F13A1: variants seen among roughly 807,000 people sequenced by gnomAD.
F13A1 encodes coagulation factor XIII A chain, also known as FSF, A subunit.
In F13A1, 47 loss-of-function variants were observed where a neutral mutation model predicts 80.1. The ratio of observed to expected loss-of-function variants is 0.59; its 90% CI spans 0.46 to 0.75. The LOEUF is 0.75. F13A1 is among the 30% of genes least tolerant of loss of function. The pLI is 0.00. For synonymous variants in F13A1, 349 were observed against 344.9 expected, an observed-to-expected ratio of 1.01 and a Z score of -0.13; for missense variants, 817 against 930.4, an observed-to-expected ratio of 0.88 and a Z score of 1.59.
chr6:6,319,281 G>A (rs1446955113), intron 1 of F13A1, among the ~76,000 whole-genome samples: 1 of 152,230 alleles, frequency 6.6e-6, no homozygotes, highest in Non-Finnish European at 1.5e-5. Flanking sequence ...GATAGGGTTA[G>A]GGTGGAGCCC....
chr6:6,277,592 C>T (rs1758005765), intron 3 of F13A1, among the ~76,000 whole-genome samples: 1 of 152,236 alleles, frequency 6.6e-6, no homozygotes, highest in African/African-American at 2.4e-5. Context: ...AACTAACTCA[C>T]ATTCCACCAG....
At chr6:6,256,508 A>G (rs1757705574) in intron 4 of F13A1, among the ~76,000 whole-genome samples, 1 of 152,162 alleles carries the variant, frequency 6.6e-6, no homozygotes, top group Non-Finnish European at 1.5e-5. Context: ...TGCCTCGTAA[A>G]TAACCACCCT....
At chr6:6,203,504 G>T (rs1761435259) in intron 8 of F13A1, among the ~76,000 whole-genome samples, 1 of 152,220 alleles carries the variant, frequency 6.6e-6, no homozygotes, top group African/African-American at 2.4e-5. Context: ...ACATTCTCCT[G>T]CTGGCTTCAA....
intron 6 of F13A1, among the ~76,000 whole-genome samples, chr6:6,231,830 C>T (rs1757356747): frequency 1.3e-5 from 2 of 151,944 alleles, no homozygotes; most frequent in Admixed American, 1.3e-4. Flanking sequence ...CGAAACTAAG[C>T]ATCATATATG....
intron 4 of F13A1, among the ~76,000 whole-genome samples, chr6:6,257,891 T>C (rs1243905284): frequency 6.6e-6 from 1 of 152,184 alleles, no homozygotes. Flanking sequence ...ACAAAGAAAA[T>C]GTCAGAGCTT....
intron 10 of F13A1, among the ~76,000 whole-genome samples, chr6:6,192,362 G>A (rs1761216596): frequency 6.6e-6 from 1 of 152,040 alleles, no homozygotes; most frequent in African/African-American, 2.4e-5. Context: ...GAGTTAGGAG[G>A]AGTTAGGAGG....
Position 6,167,596 on chromosome 6 carries a change from G to T in F13A1, c.1770C>A (p.Ile590=), listed in dbSNP as rs1243619794. 1.2e-6 allele frequency: 2 copies of T among 1,613,730 alleles called. No homozygotes were observed. The highest frequency in any genetic ancestry group is 1.7e-6 in the Non-Finnish European group (2 of 1,180,000). The change falls in exon 13 of 15, where the codon ATC becomes ATA. Residue 590 remains isoleucine, a synonymous_variant. Transcript: ENST00000264870. ...PLSFKKEAVL[I]QAGEYMGQLL... Reference sequence around the variant, plus strand: ...GCTGACCCATGTACTCGCCGGCTTGGATCAGCACCGCCTCTTTCTTGACTA... The same window carrying T: ...GCTGACCCATGTACTCGCCGGCTTGTATCAGCACCGCCTCTTTCTTGACTA...
rs552371628 is a variant in F13A1 at position 6,263,039 on chromosome 6, G to A, written c.571+3519C>T. 2.6e-5 allele frequency among the ~76,000 whole-genome samples: 4 copies of A among 152,296 alleles called. No individual in the cohort carries two copies. In the South Asian group the frequency reaches 6.2e-4, roughly 24 times the overall value. ...TCAAAGCTTCCCAGATGATTGCAAC[G>A]TGCAGCCAAGGCTGTGAACCACCGT... On this transcript the variant is annotated intron_variant, in intron 4 of 14. Transcript: ENST00000264870.
chr6:6,284,961 TCTGA>T (rs1242904028), intron 3 of F13A1, among the ~76,000 whole-genome samples: 1 of 152,224 alleles, frequency 6.6e-6, no homozygotes, highest in East Asian at 1.9e-4. Flanking sequence ...TTATATACTC[TCTGA>T]CTGTGTTCAT....
rs1016903973 is a variant in F13A1, at chr6:6,318,437, C to T, written c.130+98G>A. ...GGCAGGGGGCTTCCTTTTGTGGGAA[C>T]CCCAGTGGAGACAGAGGATGTTTAC... On this transcript the variant is annotated intron_variant, in intron 2 of 14. Coordinates refer to ENST00000264870, the MANE Select transcript of F13A1 (RefSeq NM_000129.4). 8.5e-6 allele frequency: 12 copies of T among 1,419,100 alleles called. No homozygotes were observed. In the Admixed American group the frequency reaches 2.3e-4, roughly 28 times the overall value. The allele number at this position is 1,419,100 out of a possible 1,614,324, so 87.9% of individuals were successfully genotyped here.
At chr6:6,191,121 G>C (rs1170123413) in intron 10 of F13A1, among the ~76,000 whole-genome samples, 1 of 152,226 alleles carries the variant, frequency 6.6e-6, no homozygotes, top group East Asian at 1.9e-4. Flanking sequence ...TGTGCCCACT[G>C]TCTGGCACTC....
intron 8 of F13A1, among the ~76,000 whole-genome samples, chr6:6,197,931 T>G (rs1395138433): frequency 2.0e-5 from 2 of 101,448 alleles, no homozygotes; most frequent in African/African-American, 5.4e-5. Flanking sequence ...CTTAACCATT[T>G]TCTGCTGACT....
chr6:6,209,918 T>C (rs1430383158), intron 8 of F13A1, among the ~76,000 whole-genome samples: 1 of 152,102 alleles, frequency 6.6e-6, no homozygotes, highest in Non-Finnish European at 1.5e-5. Flanking sequence ...ATGATGGTTA[T>C]ACAAGACCAC....
chr6:6,174,640 C>A lies in F13A1; in HGVS notation c.1687G>T (p.Gly563Trp), dbSNP rs121913069. ...YLSANITFYTGVPKAEFKKET... is the reference protein window; with the variant it reads ...YLSANITFYTWVPKAEFKKET... ...TTCTTGAATTCTGCCTTCGGGACCCCGGTGTAGAAGGTGATGTTGGCTGAG... is the reference window on the plus strand; with the variant it reads ...TTCTTGAATTCTGCCTTCGGGACCCAGGTGTAGAAGGTGATGTTGGCTGAG... The change falls in exon 12 of 15, where the codon GGG becomes TGG. Residue 563 changes from glycine to tryptophan, a missense_variant. Gly to Trp is a radical substitution (Grantham distance 184). Coordinates refer to ENST00000264870, the MANE Select transcript of F13A1 (RefSeq NM_000129.4). 1 of 1,614,114 alleles carries A rather than the reference C, an allele frequency of 6.2e-7. No homozygotes were observed. The highest frequency in any genetic ancestry group is 8.5e-7 in the Non-Finnish European group (1 of 1,180,022).
chr6:6,185,718 G>A lies in F13A1; in HGVS notation c.1306-3577C>T, dbSNP rs554178161. On this transcript the variant is annotated intron_variant, in intron 10 of 14. Coordinates refer to ENST00000264870, the MANE Select transcript of F13A1 (RefSeq NM_000129.4). ...TGTCTTTATAGCAGCATGATTTATA[G>A]TCCTTTGGGTATATACCCAGTAATG... 4.6e-3 allele frequency among the ~76,000 whole-genome samples: 706 copies of A among 152,024 alleles called. 5 individuals carry two copies. The highest frequency in any genetic ancestry group is 8.6e-3 in the South Asian group (41 of 4,764).
intron 3 of F13A1, among the ~76,000 whole-genome samples, chr6:6,267,212 A>G (rs1265978406): frequency 6.6e-6 from 1 of 152,262 alleles, no homozygotes; most frequent in Admixed American, 6.5e-5. Context: ...TAATGAAAAT[A>G]ATAATTTACA....
intron 3 of F13A1, among the ~76,000 whole-genome samples, chr6:6,295,742 G>T (rs1384222834): frequency 1.5e-4 from 20 of 133,990 alleles, no homozygotes; most frequent in Admixed American, 2.9e-4. Context: ...AGAAGCTCTT[G>T]AGTTTAATTA....
At chr6:6,174,498 A>G in intron 12 of F13A1, 82 bp downstream of exon 12, 1 of 1,470,848 alleles carries the variant, frequency 6.8e-7, no homozygotes, top group African/African-American at 1.4e-5. Flanking sequence ...ACTTTGATAT[A>G]AAGCTATAAC....
chr6:6,211,928 G>C (rs1251687643), intron 8 of F13A1, among the ~76,000 whole-genome samples: 1 of 152,222 alleles, frequency 6.6e-6, no homozygotes, highest in Non-Finnish European at 1.5e-5. Context: ...GACAGCACCT[G>C]GAAAATCGGG....
Sources: gnomAD v4.1 joint callset for allele counts (sites outside exome capture counted in the v4.1 genomes callset) on GRCh38, gnomAD v4.1.1 for gene constraint, MANE v1.5 for transcripts, NCBI Gene and HGNC (gene_info 2026-07-23, HGNC 2026-07-21) for gene names.